XIRP2: variants seen among roughly 807,000 people sequenced by gnomAD.
XIRP2 encodes xin actin binding repeat containing 2, also known as xin actin-binding repeat-containing protein 2.
A neutral mutation model predicts 277.0 loss-of-function variants in XIRP2; 236 were observed. The observed-to-expected ratio is 0.85, with a 90% CI of 0.77 to 0.95. XIRP2 has a LOEUF of 0.95. Ranked by LOEUF, XIRP2 falls within the 40% of genes least tolerant of loss-of-function variation. XIRP2 has a pLI of 0.00. For missense variants in XIRP2, 4,640 were observed against 4,157.5 expected, an observed-to-expected ratio of 1.12 and a Z score of -3.19; for synonymous variants, 1,490 against 1,416.5, an observed-to-expected ratio of 1.05 and a Z score of -1.17.
At chr2:166,934,525 G>T (rs1284179810) in intron 2 of XIRP2, among the ~76,000 whole-genome samples, 2 of 152,302 alleles carry the variant, frequency 1.3e-5, no homozygotes, top group East Asian at 3.9e-4. Context: ...CTATGCCCAG[G>T]CTTCTGACCT....
At chr2:166,963,203 A>G (rs1686343314) in intron 2 of XIRP2, among the ~76,000 whole-genome samples, 1 of 151,846 alleles carries the variant, frequency 6.6e-6, no homozygotes, top group Non-Finnish European at 1.5e-5. Context: ...AAAATCATCA[A>G]TAAAATTTGT....
intron 3 of XIRP2, chr2:167,187,179 A>T (rs868774017): frequency 1.1e-6 from 1 of 918,608 alleles, no homozygotes; most frequent in Middle Eastern, 5.5e-4. Flanking sequence ...AGTTTGATTG[A>T]CTGCACATGT....
chr2:167,091,401 T>A (rs1450158716), intron 2 of XIRP2, among the ~76,000 whole-genome samples: 1 of 152,168 alleles, frequency 6.6e-6, no homozygotes, highest in Non-Finnish European at 1.5e-5. Flanking sequence ...TATCTGTATT[T>A]ATTTGTATGT....
Position 167,244,278 on chromosome 2 carries a change from A to T in XIRP2, c.2886A>T (p.Ala962=). The change falls in exon 9 of 11, where the codon GCA becomes GCT. Residue 962 remains alanine, a synonymous_variant. Transcript: ENST00000409195. ...FESNNLIKFD[A]SHKIEVEGVT... ...CAAACAATTTAATTAAATTTGATGC[A>T]TCACATAAAATAGAGGTGGAAGGAG... 6.2e-7 allele frequency: 1 copy of T among 1,613,848 alleles called. No homozygotes were observed. Among genetic ancestry groups the T allele is most frequent in the Non-Finnish European group, 8.5e-7 (1 of 1,179,860 alleles).
chr2:167,242,117 G>GA (rs1216063762), intron 8 of XIRP2, among the ~76,000 whole-genome samples: 2 of 152,020 alleles, frequency 1.3e-5, no homozygotes, highest in African/African-American at 4.8e-5. Context: ...AATAAGGGAT[G>GA]AAAAAATTAT....
At chr2:167,015,291 A>T (rs1389904078) in intron 2 of XIRP2, among the ~76,000 whole-genome samples, 5 of 151,938 alleles carry the variant, frequency 3.3e-5, no homozygotes, top group African/African-American at 1.2e-4. Context: ...AAACCAGTAA[A>T]AAATGTCATC....
At chr2:167,238,419 T>C (rs1694961824) in intron 5 of XIRP2, among the ~76,000 whole-genome samples, 1 of 152,076 alleles carries the variant, frequency 6.6e-6, no homozygotes, top group Non-Finnish European at 1.5e-5. Context: ...TTAATTCTCC[T>C]TCCTAGAAAA....
Position 167,249,448 on chromosome 2 carries a change from C to A in XIRP2, c.8056C>A (p.Gln2686Lys), listed in dbSNP as rs369030379. The A allele has an allele frequency of 1.2e-6, 2 of 1,613,826 alleles. No homozygotes were observed. Among genetic ancestry groups the A allele is most frequent in the Non-Finnish European group, 1.7e-6 (2 of 1,179,838 alleles). Reference protein sequence around the residue: ...KQSHQECSTQQTQQKKYLEQL... With the variant: ...KQSHQECSTQKTQQKKYLEQL... ...AAGTCACCAAGAATGTAGTACCCAA[C>A]AAACACAACAGAAGAAGTATTTGGA... Residue 2686 changes from glutamine to lysine, a missense_variant, in exon 9 of 11, where the codon CAA becomes AAA. Physicochemically the swap from Gln to Lys is moderately conservative, Grantham distance 53 (BLOSUM62 1). Coordinates refer to ENST00000409195, the MANE Select transcript of XIRP2 (RefSeq NM_152381.6).
chr2:167,182,000 C>T (rs189587373), intron 3 of XIRP2, among the ~76,000 whole-genome samples: 28 of 152,144 alleles, frequency 1.8e-4, no homozygotes, highest in Admixed American at 1.0e-3. Context: ...TTATCACGGT[C>T]GCTCTACTTA....
chr2:167,148,689 A>T (rs556201717), intron 3 of XIRP2, among the ~76,000 whole-genome samples: 10 of 152,206 alleles, frequency 6.6e-5, no homozygotes, highest in Non-Finnish European at 1.5e-4. Context: ...CATATACAAC[A>T]CAAAATAGAC....
At chr2:167,005,093 T>C (rs1273193094) in intron 2 of XIRP2, among the ~76,000 whole-genome samples, 2 of 151,804 alleles carry the variant, frequency 1.3e-5, no homozygotes, top group East Asian at 1.9e-4. Flanking sequence ...AAAAGTTCCA[T>C]GGTGGGGGTT....
At chr2:167,041,305 C>A (rs780023504) in intron 2 of XIRP2, among the ~76,000 whole-genome samples, 1 of 152,168 alleles carries the variant, frequency 6.6e-6, no homozygotes, top group Non-Finnish European at 1.5e-5. Context: ...AGCTCCCCAG[C>A]AATGGTTCTT....
intron 3 of XIRP2, among the ~76,000 whole-genome samples, chr2:167,162,190 C>T (rs919204401): frequency 2.6e-5 from 4 of 152,192 alleles, no homozygotes; most frequent in Admixed American, 6.5e-5. Flanking sequence ...CTCACATTTT[C>T]CTGTCTTCTT....
chr2:166,997,796 T>G (rs1195435717), intron 2 of XIRP2, among the ~76,000 whole-genome samples: 1 of 151,730 alleles, frequency 6.6e-6, no homozygotes, highest in Non-Finnish European at 1.5e-5. Context: ...TCCCAGCTAC[T>G]CGGGAGGCTG....
At chr2:166,893,289 T>C (rs1362556892) in intron 1 of XIRP2, among the ~76,000 whole-genome samples, 1 of 152,094 alleles carries the variant, frequency 6.6e-6, no homozygotes, top group East Asian at 1.9e-4. Flanking sequence ...CCAATGCTGA[T>C]AAAGATGGCA....
chr2:167,152,684 A>T (rs904880972), intron 3 of XIRP2, among the ~76,000 whole-genome samples: 2 of 152,104 alleles, frequency 1.3e-5, no homozygotes, highest in African/African-American at 4.8e-5. Flanking sequence ...AATAATAATT[A>T]ATCAGGACCA....
intron 2 of XIRP2, among the ~76,000 whole-genome samples, chr2:166,923,644 A>C (rs2105360262): frequency 6.6e-6 from 1 of 152,222 alleles, no homozygotes; most frequent in South Asian, 2.1e-4. Flanking sequence ...AAGTTTGGAA[A>C]CCATGTTACA....
Position 167,244,230 on chromosome 2 carries a change from G to T in XIRP2, c.2838G>T (p.Lys946Asn). 6 of 1,613,552 alleles carry T rather than the reference G, an allele frequency of 3.7e-6. No individual in the cohort carries two copies. The highest frequency in any genetic ancestry group is 5.1e-6 in the Non-Finnish European group (6 of 1,179,818). ...AAGAAGTTGACAGAGGAGATGTGAA[G>T]AATTACACACATATCTTTGAATCAA... ...KLEEVDRGDV[K>N]NYTHIFESNN... The change falls in exon 9 of 11, where the codon AAG becomes AAT. Residue 946 changes from lysine to asparagine, a missense_variant. Physicochemically the swap from Lys to Asn is moderately conservative, Grantham distance 94. Transcript: ENST00000409195.
rs1009097416 is a variant in XIRP2 at position 167,243,590 on chromosome 2, T to C, written c.2198T>C (p.Ile733Thr). 6.2e-7 allele frequency: 1 copy of C among 1,613,970 alleles called. No homozygotes were observed. The highest frequency in any genetic ancestry group is 8.5e-7 in the Non-Finnish European group (1 of 1,179,982). Residue 733 changes from isoleucine (I) to threonine (T), a missense_variant, in exon 9 of 11, where the codon ATA becomes ACA. Physicochemically the swap from Ile to Thr is moderately conservative, Grantham distance 89. Coordinates refer to ENST00000409195, the MANE Select transcript of XIRP2 (RefSeq NM_152381.6). Reference sequence around the variant, plus strand: ...ATTAAGGGAAATGTTAAAAGAAGTATAAAATGTTTCGAAACTCAACCATTA... The same window carrying C: ...ATTAAGGGAAATGTTAAAAGAAGTACAAAATGTTTCGAAACTCAACCATTA... ...KEIKGNVKRS[I>T]KCFETQPLYV...
Sources: gnomAD v4.1 joint callset for allele counts (sites outside exome capture counted in the v4.1 genomes callset) on GRCh38, gnomAD v4.1.1 for gene constraint, MANE v1.5 for transcripts, NCBI Gene and HGNC (gene_info 2026-07-23, HGNC 2026-07-21) for gene names.